The following KBTBD12 variants were observed in gnomAD, a reference collection of about 807,000 sequenced individuals.
The protein encoded by KBTBD12 is kelch repeat and BTB domain containing 12, also known as kelch repeat and BTB domain-containing protein 12.
In KBTBD12, 53 loss-of-function variants were observed where a neutral mutation model predicts 58.7. That is an observed-to-expected ratio of 0.90 (90% CI 0.72 to 1.14). The LOEUF (loss-of-function observed/expected upper bound fraction) is 1.14, where lower values mean the gene tolerates loss of function less well. KBTBD12 is among the 50% of genes most tolerant of loss of function. The pLI, the probability that KBTBD12 is intolerant of heterozygous loss-of-function variation, is 0.00. For missense variants in KBTBD12, 704 were observed against 751.3 expected, an observed-to-expected ratio of 0.94 and a Z score of 0.74; for synonymous variants, 236 against 259.8, an observed-to-expected ratio of 0.91 and a Z score of 0.88.
At chr3:127,973,731 T>C (rs111743945) in intron 5 of KBTBD12, among the ~76,000 whole-genome samples, 3 of 152,286 alleles carry the variant, frequency 2.0e-5, no homozygotes, top group African/African-American at 7.2e-5. Context: ...AATACACCGG[T>C]ATTCAGTGTA....
rs1218317578 is a variant in KBTBD12, at chr3:127,923,428, T to C, written c.367T>C (p.Tyr123His). The change falls in exon 2 of 6, where the codon TAT becomes CAT. Residue 123 changes from tyrosine to histidine, a missense_variant. By Grantham distance (83) the Tyr-to-His change is moderately conservative. Transcript: ENST00000405109. Reference sequence around the variant, plus strand: ...AGAAGTCTTCAGTGTGTGTCAAAAATATATGATGGACCACATGGATGCCTC... The same window carrying C: ...AGAAGTCTTCAGTGTGTGTCAAAAACATATGATGGACCACATGGATGCCTC... The part of the protein sequence containing the change: ...MEEVFSVCQK[Y>H]MMDHMDASNC... 1 of 1,612,594 alleles carries C rather than the reference T, an allele frequency of 6.2e-7. No individual in the cohort carries two copies. The highest frequency in any genetic ancestry group is 1.3e-5 in the African/African-American group (1 of 75,054).
rs143142487 is a variant in KBTBD12, at chr3:127,942,915, C to G, written c.1492+12632C>G. Among the ~76,000 whole-genome samples, 796 of 152,156 alleles carry G rather than the reference C, an allele frequency of 5.2e-3. 6 individuals are homozygous for G. The highest frequency in any genetic ancestry group is 8.3e-3 in the Non-Finnish European group (565 of 67,998). ...GAGGAAGCTGACCTGTGTGAAGAGA[C>G]AGATCCCAGGGGCATGCTGGCTTTA... On this transcript the variant is annotated intron_variant, in intron 4 of 5. Coordinates refer to ENST00000405109, the MANE Select transcript of KBTBD12 (RefSeq NM_207335.4).
chr3:127,926,988 G>T lies in KBTBD12; in HGVS notation c.1071-776G>T, dbSNP rs1939587336. Among the ~76,000 whole-genome samples, 3 of 152,020 alleles carry T rather than the reference G, an allele frequency of 2.0e-5. No individual in the cohort carries two copies. In the South Asian group the frequency reaches 6.2e-4, roughly 32 times the overall value. ...TATCATAATCATGATGCAAGACAAA[G>T]AATAGCCACAAACTCATCTACCCAG... is the stretch of plus-strand genomic sequence containing the variant. On this transcript the variant is annotated intron_variant, in intron 2 of 5. Coordinates refer to ENST00000405109, the MANE Select transcript of KBTBD12 (RefSeq NM_207335.4).
intron 5 of KBTBD12, among the ~76,000 whole-genome samples, chr3:127,968,616 A>G (rs925099769): frequency 1.3e-5 from 2 of 152,202 alleles, no homozygotes; most frequent in African/African-American, 4.8e-5. Flanking sequence ...TTGAAAATGA[A>G]TCAATGTGTG....
intron 1 of KBTBD12, among the ~76,000 whole-genome samples, chr3:127,918,629 G>A (rs545971379): frequency 3.9e-5 from 6 of 151,904 alleles, no homozygotes; most frequent in East Asian, 1.9e-4. Flanking sequence ...GGAGAATGCC[G>A]TGAACCCAGG....
At chr3:127,928,362 C>T (rs1462409622) in intron 3 of KBTBD12, among the ~76,000 whole-genome samples, 2 of 152,176 alleles carry the variant, frequency 1.3e-5, no homozygotes, top group Admixed American at 1.3e-4. Flanking sequence ...AAGCTGGATC[C>T]TCATCCAGTT....
intron 1 of KBTBD12, among the ~76,000 whole-genome samples, chr3:127,922,536 A>G (rs886357745): frequency 3.3e-5 from 5 of 152,078 alleles, no homozygotes; most frequent in Admixed American, 2.0e-4. Flanking sequence ...AGTTCGGTGT[A>G]TTTTTTGGAG....
At chr3:127,976,621 A>G (rs754984774) in intron 5 of KBTBD12, among the ~76,000 whole-genome samples, 2 of 152,178 alleles carry the variant, frequency 1.3e-5, no homozygotes, top group Non-Finnish European at 2.9e-5. Flanking sequence ...GATATGGTCT[A>G]ATTTCATCAC....
At chr3:127,920,716 G>C (rs1355395653) in intron 1 of KBTBD12, among the ~76,000 whole-genome samples, 1 of 151,806 alleles carries the variant, frequency 6.6e-6, no homozygotes, top group East Asian at 1.9e-4. Flanking sequence ...AATATTTACA[G>C]TGGTCCATTT....
Position 127,923,396 on chromosome 3 carries a change from A to T in KBTBD12, c.335A>T (p.Gln112Leu), listed in dbSNP as rs756320376. The change falls in exon 2 of 6, where the codon CAG (glutamine) becomes CTG (leucine). Residue 112 changes from glutamine (Q) to leucine (L), a missense_variant. Physicochemically the swap from Gln to Leu is moderately radical, Grantham distance 113. Coordinates refer to ENST00000405109, the MANE Select transcript of KBTBD12 (RefSeq NM_207335.4). ...QTVAMAAYFM[Q>L]MEEVFSVCQK... ...GTAGCTATGGCTGCCTATTTTATGC[A>T]GATGGAAGAAGTCTTCAGTGTGTGT... The T allele has an allele frequency of 3.7e-6, 6 of 1,613,434 alleles. No homozygotes were observed. The highest frequency in any genetic ancestry group is 5.1e-6 in the Non-Finnish European group (6 of 1,179,808).
intron 4 of KBTBD12, among the ~76,000 whole-genome samples, chr3:127,952,135 G>A (rs1163752115): frequency 6.6e-6 from 1 of 152,214 alleles, no homozygotes; most frequent in East Asian, 1.9e-4. Flanking sequence ...TTTTTTTGAA[G>A]AAGTACTAAA....
Position 127,943,833 on chromosome 3 carries a change from T to C in KBTBD12, c.1492+13550T>C, listed in dbSNP as rs189579358. On this transcript the variant is annotated intron_variant, in intron 4 of 5. Transcript: ENST00000405109. ...TACCATTTCAGGTCTTATGTTTAAG[T>C]CTTTAATCCATTTTGAGTTGCTTTT... 2.0e-3 allele frequency among the ~76,000 whole-genome samples: 303 copies of C among 152,310 alleles called. 1 individual carries two copies. Among genetic ancestry groups the C allele is most frequent in the African/African-American group, 6.9e-3 (286 of 41,568 alleles).
intron 5 of KBTBD12, among the ~76,000 whole-genome samples, chr3:127,964,076 C>T (rs763473864): frequency 4.9e-4 from 74 of 152,018 alleles, no homozygotes; most frequent in Non-Finnish European, 9.8e-4. Flanking sequence ...AGATTATAAA[C>T]TATGCATAAA....
intron 2 of KBTBD12, among the ~76,000 whole-genome samples, chr3:127,927,345 C>A (rs997805021): frequency 2.6e-5 from 4 of 152,018 alleles, no homozygotes; most frequent in Admixed American, 2.6e-4. Flanking sequence ...ACTGTGATTT[C>A]TTTAATGTTC....
intron 4 of KBTBD12, among the ~76,000 whole-genome samples, chr3:127,952,386 A>C (rs1441902076): frequency 6.6e-6 from 1 of 152,128 alleles, no homozygotes; most frequent in East Asian, 1.9e-4. Flanking sequence ...TGCTCCCTAA[A>C]CTAGAAGGCC....
At chr3:127,972,328 A>G (rs905936841) in intron 5 of KBTBD12, among the ~76,000 whole-genome samples, 2 of 152,204 alleles carry the variant, frequency 1.3e-5, no homozygotes, top group Non-Finnish European at 2.9e-5. Context: ...TCCATACCAG[A>G]CAAATCAAAT....
intron 5 of KBTBD12, among the ~76,000 whole-genome samples, chr3:127,982,026 C>G (rs1027488251): frequency 1.3e-5 from 2 of 152,112 alleles, no homozygotes; most frequent in African/African-American, 4.8e-5. Context: ...TGGAAATCTT[C>G]CATTTGTCCC....
At chr3:127,968,526 T>G (rs1449472209) in intron 5 of KBTBD12, among the ~76,000 whole-genome samples, 1 of 152,206 alleles carries the variant, frequency 6.6e-6, no homozygotes, top group Non-Finnish European at 1.5e-5. Context: ...ACTAGCAAAC[T>G]GAATCCAGCA....
chr3:127,950,492 T>G (rs541499829), intron 4 of KBTBD12, among the ~76,000 whole-genome samples: 1 of 152,322 alleles, frequency 6.6e-6, no homozygotes, highest in African/African-American at 2.4e-5. Context: ...TCAAATAGAC[T>G]AATAATGTCC....
Sources: gnomAD v4.1 joint callset for allele counts (sites outside exome capture counted in the v4.1 genomes callset) on GRCh38, gnomAD v4.1.1 for gene constraint, MANE v1.5 for transcripts, NCBI Gene and HGNC (gene_info 2026-07-23, HGNC 2026-07-21) for gene names.